The following C3 variants were observed in gnomAD, a reference collection of about 807,000 sequenced individuals.
C3 encodes the protein C3 and PZP-like alpha-2-macroglobulin domain-containing protein 1.
In C3, 97 loss-of-function variants were observed where a neutral mutation model predicts 207.9. That is an observed-to-expected ratio of 0.47 (90% CI 0.40 to 0.55). The LOEUF (loss-of-function observed/expected upper bound fraction) is 0.55. Ranked by LOEUF, C3 falls within the 20% of genes least tolerant of loss-of-function variation. C3 has a pLI of 0.00. For synonymous variants in C3, 848 were observed against 857.6 expected (o/e 0.99, Z 0.20); for missense variants, 1,684 against 2,171.7 (o/e 0.78, Z 4.46).
intron 23 of C3, 77 bp downstream of exon 23, chr19:6,696,302 A>T: frequency 4.6e-6 from 4 of 867,248 alleles, no homozygotes; most frequent in Non-Finnish European, 7.7e-6. Context: ...CGGGTTAAAC[A>T]CCTCCAGAAT....
chr19:6,718,464 C>A, intron 2 of C3, 52 bp from the exon 3 acceptor site: 1 of 1,601,806 alleles, frequency 6.2e-7, no homozygotes, highest in Non-Finnish European at 8.6e-7. Flanking sequence ...CCCATGCCCA[C>A]GGTCCAGCTT....
At chr19:6,703,434 G>A (rs931544769) in intron 17 of C3, among the ~76,000 whole-genome samples, 2 of 151,910 alleles carry the variant, frequency 1.3e-5, no homozygotes, top group Non-Finnish European at 2.9e-5. Flanking sequence ...TGGCAAAACC[G>A]CGCCTCTACT....
chr19:6,697,413 T>C lies in C3; in HGVS notation c.2727A>G (p.Glu909=), dbSNP rs745430650. The C allele has an allele frequency of 2.5e-6, 4 of 1,613,992 alleles. No individual in the cohort carries two copies. The highest frequency in any genetic ancestry group is 2.2e-5 in the South Asian group (2 of 91,076). The change falls in exon 21 of 41, where the codon GAA becomes GAG. Residue 909 remains glutamate, a synonymous_variant. Transcript: ENST00000245907. The part of the protein sequence containing the change: ...VIVPLKTGLQ[E]VEVKAAVYHH... ...GGTAGACAGCAGCCTTGACTTCCAC[T>C]TCCTGCAGGCCGGTCTTTAGCGGCA...
intron 9 of C3, among the ~76,000 whole-genome samples, chr19:6,712,986 TA>T (rs1967951250): frequency 6.6e-6 from 1 of 152,018 alleles, no homozygotes; most frequent in African/African-American, 2.4e-5. Flanking sequence ...CCCACCTTTA[TA>T]CTGGCCCTGC....
At chr19:6,698,994 C>A (rs1394577261) in intron 19 of C3, among the ~76,000 whole-genome samples, 2 of 151,886 alleles carry the variant, frequency 1.3e-5, no homozygotes, top group African/African-American at 4.8e-5. Flanking sequence ...CAGGGTTTCA[C>A]CATGTTGGCC....
intron 4 of C3, 67 bp downstream of exon 4, chr19:6,718,027 C>G (rs571504835): frequency 2.7e-6 from 4 of 1,479,464 alleles, no homozygotes; most frequent in African/African-American, 1.4e-5. Flanking sequence ...TTCTCTGTCT[C>G]TCTCGATCTC....
chr19:6,685,278 G>A (rs902589266), intron 29 of C3, 132 bp from the exon 30 acceptor site: 3 of 816,084 alleles, frequency 3.7e-6, no homozygotes, highest in Non-Finnish European at 6.2e-6. Flanking sequence ...GAGAGTGCAG[G>A]GGTGATAACT....
intron 14 of C3, among the ~76,000 whole-genome samples, chr19:6,709,276 C>T (rs981664074): frequency 6.6e-6 from 1 of 152,088 alleles, no homozygotes; most frequent in African/African-American, 2.4e-5. Flanking sequence ...GTGAAACCCC[C>T]GTCTTCACTA....
rs1918261599 is a variant in C3, at chr19:6,694,630, G to A, written c.2955C>T (p.Thr985=). Reference sequence around the variant, plus strand: ...CATCCTCTGTCATCTGGGCCACTGGGGTCCCTGCAGCAGGTGGGAAGAGGA... The same window carrying A: ...CATCCTCTGTCATCTGGGCCACTGGAGTCCCTGCAGCAGGTGGGAAGAGGA... ...ESETRILLQG[T]PVAQMTEDAV... Residue 985 remains threonine, a synonymous_variant, in exon 24 of 41, where the codon ACC becomes ACT. Transcript: ENST00000245907. 1 of 1,611,462 alleles carries A rather than the reference G, an allele frequency of 6.2e-7. No homozygotes were observed. The highest frequency in any genetic ancestry group is 8.5e-7 in the Non-Finnish European group (1 of 1,179,642).
chr19:6,712,180 G>A, intron 11 of C3, 77 bp downstream of exon 11: 2 of 1,567,080 alleles, frequency 1.3e-6, no homozygotes, highest in Non-Finnish European at 8.8e-7. Context: ...GCAAATGACA[G>A]GACCCCACTG....
At chr19:6,710,459 G>A (rs948039562) in intron 13 of C3, among the ~76,000 whole-genome samples, 180 bp downstream of exon 13, 3 of 143,388 alleles carry the variant, frequency 2.1e-5, no homozygotes, top group South Asian at 2.3e-4. Flanking sequence ...GGGAAAGAGA[G>A]ATAAAAAGAG....
At chr19:6,679,264 G>T in intron 37 of C3, 56 bp from the exon 38 acceptor site, 1 of 1,526,270 alleles carries the variant, frequency 6.6e-7, no homozygotes, top group Non-Finnish European at 9.1e-7. Context: ...GGGGCCTACT[G>T]CCCATGGGTG....
rs1421843172 is a variant in C3 at position 6,694,515 on chromosome 19, C to T, written c.3070G>A (p.Ala1024Thr). ...NMIGMTPTVIAVHYLDETEQW... is the reference protein window; with the variant it reads ...NMIGMTPTVITVHYLDETEQW... ...TCCGTTTCATCCAGGTAATGCACAG[C>T]GATGACCGTGGGCGTCATGCCGATC... Residue 1024 changes from alanine to threonine, a missense_variant, in exon 24 of 41, where the codon GCT (alanine) becomes ACT (threonine). Transcript: ENST00000245907. 3 of 1,614,140 alleles carry T rather than the reference C, an allele frequency of 1.9e-6. No individual in the cohort carries two copies. Among genetic ancestry groups the T allele is most frequent in the East Asian group, 4.5e-5 (2 of 44,882 alleles).
chr19:6,707,047 T>G, intron 17 of C3, 29 bp downstream of exon 17: 10 of 694,528 alleles, frequency 1.4e-5, no homozygotes, highest in South Asian at 2.3e-5. Context: ...GACGGCCCCC[T>G]CCCCCTGTCC....
chr19:6,715,722 C>T (rs1035165621), intron 4 of C3, among the ~76,000 whole-genome samples: 4 of 150,838 alleles, frequency 2.7e-5, no homozygotes, highest in Admixed American at 2.0e-4. Context: ...CCCGGGTTCA[C>T]ACCATTCTCC....
intron 24 of C3, 63 bp from the exon 25 acceptor site, chr19:6,693,550 A>G: frequency 7.3e-7 from 1 of 1,370,590 alleles, no homozygotes; most frequent in Non-Finnish European, 1.0e-6. Flanking sequence ...CACGCCAGAA[A>G]GGGCAGGGGC....
Position 6,707,093 on chromosome 19 carries a change from T to G in C3, c.2228A>C (p.His743Pro). 1 of 1,581,492 alleles carries G rather than the reference T, an allele frequency of 6.3e-7. No individual in the cohort carries two copies. Among genetic ancestry groups the G allele is most frequent in the African/African-American group, 1.4e-5 (1 of 73,160 alleles). ...GGACCTACTCCTGGCCAGGCCCAGG[T>G]GGCTGGCCCGCGCGTGCTGCCGCCG... is the stretch of plus-strand genomic sequence containing the variant. Reference protein sequence around the residue: ...ELRRQHARASHLGLARSNLDE... With the variant: ...ELRRQHARASPLGLARSNLDE... The change falls in exon 17 of 41, where the codon CAC (histidine) becomes CCC (proline). Residue 743 changes from histidine to proline, a missense_variant. Around this residue, in one of 3 missense-constraint regions of C3, gnomAD observed 1,280 missense variants for 1,739.1 expected, o/e 0.74. Transcript: ENST00000245907.
At position 6,719,374 on chromosome 19, in the gene C3, C is replaced by A. The variant is rs1568229734; in HGVS notation, c.104G>T (p.Arg35Leu). 5.6e-6 allele frequency: 9 copies of A among 1,613,914 alleles called. No individual in the cohort carries two copies. Among genetic ancestry groups the A allele is most frequent in the Non-Finnish European group, 6.8e-6 (8 of 1,179,940 alleles). ...CACCATGGTCTCCTCGCTCTCCAGCCGCAAGATGTTGGGGGTGATGATAGA... is the reference window on the plus strand; with the variant it reads ...CACCATGGTCTCCTCGCTCTCCAGCAGCAAGATGTTGGGGGTGATGATAGA... Reference protein sequence around the residue: ...MYSIITPNILRLESEETMVLE... With the variant: ...MYSIITPNILLLESEETMVLE... Residue 35 changes from arginine to leucine, a missense_variant, in exon 2 of 41, where the codon CGG becomes CTG. Around this residue, in one of 3 missense-constraint regions of C3, gnomAD observed 58 missense variants for 52.5 expected, o/e 1.10. Transcript: ENST00000245907. This position sits in a 1 kb window ranked among gnomAD's most constrained non-coding sequence, Gnocchi z 5.4.
chr19:6,684,268 G>T, intron 33 of C3, 120 bp downstream of exon 33: 2 of 851,528 alleles, frequency 2.3e-6, no homozygotes, highest in Admixed American at 1.7e-5. Flanking sequence ...TGGATACTTA[G>T]AACAGTATCA....
Sources: gnomAD v4.1 joint callset for allele counts (sites outside exome capture counted in the v4.1 genomes callset) on GRCh38, gnomAD v4.1.1 for gene constraint, gnomAD v4.1.1 regional missense constraint, Gnocchi (gnomAD v3.1) non-coding constraint, MANE v1.5 for transcripts, NCBI Gene and HGNC (gene_info 2026-07-23, HGNC 2026-07-21) for gene names.